Variants in SDK1 observed in about 807,000 individuals in gnomAD.
The protein encoded by SDK1 is sidekick cell adhesion molecule 1.
A neutral mutation model predicts 245.5 loss-of-function variants in SDK1; 157 were observed. The observed-to-expected ratio is 0.64, with a 90% confidence interval of 0.56 to 0.73. The LOEUF is 0.73. Ranked by LOEUF, SDK1 falls within the 30% of genes least tolerant of loss-of-function variation. The pLI is 0.00. For synonymous variants in SDK1, 1,647 were observed against 1,278.5 expected (o/e 1.29, Z -6.15); for missense variants, 3,583 against 3,002.3 (o/e 1.19, Z -4.52).
At chr7:4,025,091 T>C (rs1195935713) in intron 17 of SDK1, among the ~76,000 whole-genome samples, 1 of 152,174 alleles carries the variant, frequency 6.6e-6, no homozygotes, top group African/African-American at 2.4e-5. Flanking sequence ...TCCCAGTGTA[T>C]GTGTACTTTG....
At chr7:3,480,420 G>A (rs1261183239) in intron 1 of SDK1, among the ~76,000 whole-genome samples, 3 of 151,136 alleles carry the variant, frequency 2.0e-5, no homozygotes, top group Non-Finnish European at 4.4e-5. Flanking sequence ...CTGCACATAC[G>A]CTCATGTAGG....
rs10271198 is a variant in SDK1 at position 3,696,976 on chromosome 7, C to T, written c.713+54871C>T. 7.3e-3 allele frequency among the ~76,000 whole-genome samples: 1,107 copies of T among 151,030 alleles called. 9 individuals are homozygous for T. The highest frequency in any genetic ancestry group is 0.026 in the African/African-American group (1,062 of 41,178). On this transcript the variant is annotated intron_variant, in intron 4 of 44. Coordinates refer to ENST00000404826, the MANE Select transcript of SDK1 (RefSeq NM_152744.4). ...TCATCTTGTTTATGGAATGGTAGTG[C>T]GAAATAGAACTTGTATTTTAGAAAT...
At chr7:3,961,365 T>TC (rs1424023361) in intron 8 of SDK1, among the ~76,000 whole-genome samples, 2 of 152,220 alleles carry the variant, frequency 1.3e-5, no homozygotes, top group East Asian at 3.8e-4. Context: ...GAAGACATTA[T>TC]CTTGAGTTAT....
intron 1 of SDK1, among the ~76,000 whole-genome samples, chr7:3,501,263 T>C (rs953460382): frequency 2.0e-5 from 3 of 152,170 alleles, no homozygotes; most frequent in African/African-American, 4.8e-5. Context: ...ATTAGATTCC[T>C]TAGGGAAGAC....
At chr7:3,684,716 C>G (rs112013371) in intron 4 of SDK1, among the ~76,000 whole-genome samples, 3,822 of 151,150 alleles carry the variant, frequency 0.025, 74 homozygotes, top group Middle Eastern at 0.058. Context: ...AGCAGCTAGT[C>G]ATAAAAGTGC....
intron 13 of SDK1, chr7:3,974,864 C>T (rs1782789270): frequency 4.6e-6 from 1 of 216,110 alleles, no homozygotes; most frequent in African/African-American, 2.3e-5. Context: ...GCTTAAGTAG[C>T]AAGTTCATTT....
intron 4 of SDK1, among the ~76,000 whole-genome samples, chr7:3,812,181 A>G (rs1400194302): frequency 2.0e-5 from 3 of 152,218 alleles, no homozygotes; most frequent in Admixed American, 2.0e-4. Context: ...TTACTCCTGT[A>G]TTTGCTTGGG....
intron 4 of SDK1, among the ~76,000 whole-genome samples, chr7:3,806,838 C>G (rs1222158029): frequency 6.6e-6 from 1 of 152,020 alleles, no homozygotes; most frequent in Non-Finnish European, 1.5e-5. Flanking sequence ...CTATTTTTAT[C>G]CAGTTTTTTC....
intron 5 of SDK1, among the ~76,000 whole-genome samples, chr7:3,866,634 T>C (rs1279590269): frequency 6.6e-6 from 1 of 152,096 alleles, no homozygotes; most frequent in Non-Finnish European, 1.5e-5. Flanking sequence ...GGTCGTGGAC[T>C]CCCCTGCCCC....
intron 4 of SDK1, among the ~76,000 whole-genome samples, chr7:3,731,099 G>A (rs944222755): frequency 6.6e-6 from 1 of 152,102 alleles, no homozygotes; most frequent in African/African-American, 2.4e-5. Context: ...CAAGCCTCTG[G>A]GTTGGCTAGG....
At chr7:4,230,039 AGAAG>A (rs55723679) in intron 40 of SDK1, among the ~76,000 whole-genome samples, 9,774 of 66,482 alleles carry the variant, frequency 0.15, 783 homozygotes, top group African/African-American at 0.26. Context: ...AGGGGGACCC[AGAAG>A]GAAGGAAGGA....
chr7:4,032,745 G>A (rs1787918542), intron 17 of SDK1, among the ~76,000 whole-genome samples: 1 of 152,120 alleles, frequency 6.6e-6, no homozygotes, highest in African/African-American at 2.4e-5. Context: ...CATTAGAAAA[G>A]AAAAGAAAGC....
intron 1 of SDK1, among the ~76,000 whole-genome samples, chr7:3,442,425 TA>T (rs1303639349): frequency 6.6e-6 from 1 of 152,178 alleles, no homozygotes; most frequent in African/African-American, 2.4e-5. Context: ...CATTGCAAAT[TA>T]ACCCTTTCTG....
In SDK1 at chr7:3,993,322, C is replaced by G. The variant is rs7780469; in HGVS notation, c.2131+6000C>G. On this transcript the variant is annotated intron_variant, in intron 14 of 44. Transcript: ENST00000404826. ...AAACAGAAGAATGGTGGCCTTCTAC[C>G]AGTTATCAAGAAAAATTAAGTCTTT... Among the ~76,000 whole-genome samples, 689 of 152,078 alleles carry G rather than the reference C, an allele frequency of 4.5e-3. 5 individuals carry two copies. Among genetic ancestry groups the G allele is most frequent in the African/African-American group, 0.016 (653 of 41,436 alleles).
At chr7:3,973,846 C>CT (rs560529809) in intron 12 of SDK1, among the ~76,000 whole-genome samples, 14 of 151,972 alleles carry the variant, frequency 9.2e-5, no homozygotes, top group Non-Finnish European at 1.6e-4. Context: ...GGTTGCTTTT[C>CT]TTTTTTTTAT....
intron 22 of SDK1, among the ~76,000 whole-genome samples, chr7:4,092,900 A>G (rs954807054): frequency 2.6e-5 from 4 of 152,216 alleles, no homozygotes; most frequent in African/African-American, 9.6e-5. Context: ...ACTCTCTGCC[A>G]GAAGAGTGTT....
chr7:3,369,368 A>G (rs984642252), intron 1 of SDK1, among the ~76,000 whole-genome samples: 6 of 152,166 alleles, frequency 3.9e-5, no homozygotes, highest in Non-Finnish European at 5.9e-5. Flanking sequence ...TGAAACAGTC[A>G]TGCTTGTGTA....
intron 5 of SDK1, among the ~76,000 whole-genome samples, chr7:3,860,107 G>A (rs1164124732): frequency 6.6e-6 from 1 of 151,672 alleles, no homozygotes; most frequent in Non-Finnish European, 1.5e-5. Flanking sequence ...TTTTTAGTAG[G>A]GTCGGGGTTT....
chr7:3,881,828 C>G (rs1005715645), intron 5 of SDK1, among the ~76,000 whole-genome samples: 1 of 152,232 alleles, frequency 6.6e-6, no homozygotes, highest in Non-Finnish European at 1.5e-5. Flanking sequence ...GATTTACTTT[C>G]TCTCAAGTGG....
Sources: gnomAD v4.1 joint callset for allele counts (sites outside exome capture counted in the v4.1 genomes callset) on GRCh38, gnomAD v4.1.1 for gene constraint, MANE v1.5 for transcripts, NCBI Gene and HGNC (gene_info 2026-07-23, HGNC 2026-07-21) for gene names.